KIF17: variants seen among roughly 807,000 people sequenced by gnomAD.
KIF17 encodes kinesin family member 17.
In KIF17, 80 loss-of-function variants were observed where a neutral mutation model predicts 96.8. The observed-to-expected ratio is 0.83, with a 90% CI of 0.69 to 1.00. The LOEUF (loss-of-function observed/expected upper bound fraction) is 1.00, where lower values mean the gene tolerates loss of function less well. Ranked by LOEUF, KIF17 falls within the 50% of genes least tolerant of loss-of-function variation. The pLI is 0.00. For synonymous variants in KIF17, 567 were observed against 587.5 expected (o/e 0.97, Z 0.51); for missense variants, 1,280 against 1,372.9 (o/e 0.93, Z 1.07).
Position 20,672,680 on chromosome 1 carries a change from C to A in KIF17, c.2464-484G>T, listed in dbSNP as rs1169490473. ...CTTGACAATCCTCACTCTCCCACTG[C>A]CACAGCCCTGTGTGACGGTGTGACA... On this transcript the variant is annotated intron_variant, in intron 11 of 14. Coordinates refer to ENST00000400463, the MANE Select transcript of KIF17 (RefSeq NM_001122819.3). The surrounding 1 kb of genome is among the most constrained non-coding windows in gnomAD (Gnocchi z 4.3). Among the ~76,000 whole-genome samples the A allele has an allele frequency of 6.6e-6, 1 of 152,214 alleles. No homozygotes were observed. Among genetic ancestry groups the A allele is most frequent in the Non-Finnish European group, 1.5e-5 (1 of 68,044 alleles).
At position 20,700,094 on chromosome 1, in the gene KIF17, G is replaced by A. The variant is rs532482043; in HGVS notation, c.1124-1606C>T. Reference sequence around the variant, plus strand: ...TTTGTTTTGTTTTGTTTTTTGAGACGGGGTCTTTGCTCTGTCGCCTAGGCT... The same window carrying A: ...TTTGTTTTGTTTTGTTTTTTGAGACAGGGTCTTTGCTCTGTCGCCTAGGCT... On this transcript the variant is annotated intron_variant, in intron 5 of 14. Coordinates refer to ENST00000400463, the MANE Select transcript of KIF17 (RefSeq NM_001122819.3). The surrounding 1 kb of genome is among the most constrained non-coding windows in gnomAD (Gnocchi z 4.6). Among the ~76,000 whole-genome samples the A allele has an allele frequency of 6.6e-5, 10 of 152,168 alleles. No homozygotes were observed. The highest frequency in any genetic ancestry group is 1.3e-4 in the Non-Finnish European group (9 of 67,992).
rs181492448 is a variant in KIF17, at chr1:20,709,216, C to A, written c.670+423G>T. ...GACCAACCTGGGCAACACAGCAAGACCCCGTCTCTACAAAAAATTAGCCAG... is the reference window on the plus strand; with the variant it reads ...GACCAACCTGGGCAACACAGCAAGAACCCGTCTCTACAAAAAATTAGCCAG... On this transcript the variant is annotated intron_variant, in intron 4 of 14. Coordinates refer to ENST00000400463, the MANE Select transcript of KIF17 (RefSeq NM_001122819.3). The surrounding 1 kb of genome is among the most constrained non-coding windows in gnomAD (Gnocchi z 4.7). 6.6e-6 allele frequency among the ~76,000 whole-genome samples: 1 copy of A among 152,044 alleles called. No individual in the cohort carries two copies. The highest frequency in any genetic ancestry group is 1.5e-5 in the Non-Finnish European group (1 of 68,016).
intron 11 of KIF17, among the ~76,000 whole-genome samples, chr1:20,680,231 A>G (rs1369280710): frequency 1.3e-5 from 2 of 152,254 alleles, no homozygotes; most frequent in African/African-American, 4.8e-5. Flanking sequence ...TACCACCTCA[A>G]ACTTCATCTC....
intron 7 of KIF17, among the ~76,000 whole-genome samples, chr1:20,689,804 C>T (rs1050071726): frequency 2.5e-4 from 38 of 152,178 alleles, no homozygotes; most frequent in Middle Eastern, 3.4e-3. Context: ...CACAGCAATT[C>T]GGGGCAGGGA....
Position 20,678,406 on chromosome 1 carries a change from CA to C in KIF17, c.2463+4246del, listed in dbSNP as rs1031680240. ...ACACATACGTACATATTTCCTTATA[CA>C]AAAAAAATTTAAAAATAAAATAAAA... On this transcript the variant is annotated intron_variant, in intron 11 of 14. Transcript: ENST00000400463. 5.3e-5 allele frequency among the ~76,000 whole-genome samples: 8 copies of C among 151,768 alleles called. 1 individual carries two copies. Among genetic ancestry groups the C allele is most frequent in the African/African-American group, 9.7e-5 (4 of 41,388 alleles).
chr1:20,717,501 T>C lies in KIF17; in HGVS notation c.206A>G (p.Asn69Ser), dbSNP rs757978308. The change falls in exon 1 of 15, where the codon AAC becomes AGC. Residue 69 changes from asparagine (N) to serine (S), a missense_variant. By Grantham distance (46) the Asn-to-Ser change is conservative (BLOSUM62 1). Coordinates refer to ENST00000400463, the MANE Select transcript of KIF17 (RefSeq NM_001122819.3). ...HVDHVTEQIYNEIAYPLVEGV... is the reference protein window; with the variant it reads ...HVDHVTEQIYSEIAYPLVEGV... ...CTCCACCAGCGGATAGGCGATCTCG[T>C]TGTAGATCTGCTCGGTGACGTGGTC... The C allele has an allele frequency of 1.9e-6, 3 of 1,610,946 alleles. No individual in the cohort carries two copies. Among genetic ancestry groups the C allele is most frequent in the East Asian group, 2.2e-5 (1 of 44,762 alleles).
At position 20,709,807 on chromosome 1, in the gene KIF17, C is replaced by T; in HGVS notation, c.502G>A (p.Gly168Ser). 6.2e-7 allele frequency: 1 copy of T among 1,612,452 alleles called. No homozygotes were observed. ...ATGGACAGCCCCTTCACGTACACGC[C>T]CTTCTCTGGGTGCTCCTTCAGCTGA... is the stretch of plus-strand genomic sequence containing the variant. ...KLELKEHPEK[G>S]VYVKGLSMHT... The change falls in exon 4 of 15, where the codon GGC (glycine) becomes AGC (serine). Residue 168 changes from glycine to serine, a missense_variant. Coordinates refer to ENST00000400463, the MANE Select transcript of KIF17 (RefSeq NM_001122819.3). This position sits in a 1 kb window ranked among gnomAD's most constrained non-coding sequence, Gnocchi z 4.7.
In KIF17 at chr1:20,709,583, C is replaced by T; in HGVS notation, c.670+56G>A. 6.3e-7 allele frequency: 1 copy of T among 1,598,628 alleles called. No individual in the cohort carries two copies. The highest frequency in any genetic ancestry group is 1.3e-5 in the African/African-American group (1 of 74,720). On this transcript the variant is annotated intron_variant, in intron 4 of 14. Transcript: ENST00000400463. This position sits in a 1 kb window ranked among gnomAD's most constrained non-coding sequence, Gnocchi z 4.7. ...GGCCCCGAGAGGTGGCGTGCCTTGG[C>T]TAGTGGGAGTGGCTGGGTCATCTGT...
intron 13 of KIF17, 62 bp downstream of exon 13, chr1:20,670,359 C>T (rs893212415): frequency 1.6e-5 from 24 of 1,486,992 alleles, no homozygotes; most frequent in South Asian, 1.2e-4. Flanking sequence ...CACTGACCCA[C>T]AGCACTGGGG....
chr1:20,666,655 G>T (rs746943624), intron 13 of KIF17, among the ~76,000 whole-genome samples: 2 of 152,176 alleles, frequency 1.3e-5, no homozygotes, highest in African/African-American at 4.8e-5. Context: ...CAGGGGGGCC[G>T]GGTTGATACA....
At chr1:20,681,740 C>A (rs1171210386) in intron 11 of KIF17, among the ~76,000 whole-genome samples, 1 of 152,144 alleles carries the variant, frequency 6.6e-6, no homozygotes, top group Non-Finnish European at 1.5e-5. Context: ...CTAGAAGATG[C>A]TGACCTCACT....
intron 14 of KIF17, among the ~76,000 whole-genome samples, chr1:20,665,072 C>T (rs1313915124): frequency 6.6e-6 from 1 of 152,104 alleles, no homozygotes; most frequent in Non-Finnish European, 1.5e-5. Flanking sequence ...CTGCTTCCTA[C>T]AACCTTAGAG....
chr1:20,684,578 C>T (rs576446066), intron 10 of KIF17, among the ~76,000 whole-genome samples: 95 of 152,140 alleles, frequency 6.2e-4, no homozygotes, highest in Middle Eastern at 3.2e-3. Flanking sequence ...CCCTGGGACT[C>T]CTGAAACCTG....
At chr1:20,669,089 T>A (rs948436542) in intron 13 of KIF17, among the ~76,000 whole-genome samples, 2 of 152,128 alleles carry the variant, frequency 1.3e-5, no homozygotes, top group South Asian at 4.2e-4. Flanking sequence ...TTCATATCAT[T>A]GTTCATGGAG....
chr1:20,706,065 C>T (rs372001580), intron 4 of KIF17, among the ~76,000 whole-genome samples: 3 of 151,432 alleles, frequency 2.0e-5, no homozygotes, highest in Admixed American at 2.0e-4. Flanking sequence ...TACATCACCA[C>T]GCCTGGCTAA....
rs1570426137 is a variant in KIF17 at position 20,666,256 on chromosome 1, G to A, written c.2866C>T (p.Arg956Trp). ...TCTGTGCTGAGGATCTGGCTGGCCC[G>A]CTTAGATCGGAAGTAGTTGCTGGCA... ...NIASNYFRSKRASQILSTDAR... is the reference protein window; with the variant it reads ...NIASNYFRSKWASQILSTDAR... The change falls in exon 14 of 15, where the codon CGG becomes TGG. Residue 956 changes from arginine (R) to tryptophan (W), a missense_variant. Coordinates refer to ENST00000400463, the MANE Select transcript of KIF17 (RefSeq NM_001122819.3). 1.9e-6 allele frequency: 3 copies of A among 1,614,116 alleles called. No individual in the cohort carries two copies. The highest frequency in any genetic ancestry group is 1.6e-4 in the Middle Eastern group (1 of 6,062).
At chr1:20,695,684 G>A (rs187932335) in intron 6 of KIF17, among the ~76,000 whole-genome samples, 6 of 152,026 alleles carry the variant, frequency 3.9e-5, no homozygotes, top group South Asian at 2.1e-4. Flanking sequence ...AGATCTACCC[G>A]GAAGCTCCAC....
intron 11 of KIF17, among the ~76,000 whole-genome samples, chr1:20,678,306 C>G (rs2053772618): frequency 6.6e-6 from 1 of 152,164 alleles, no homozygotes; most frequent in African/African-American, 2.4e-5. Context: ...TCCCACAACA[C>G]ATGAGAATTA....
chr1:20,713,287 C>T (rs2054510401), intron 3 of KIF17, among the ~76,000 whole-genome samples, 167 bp downstream of exon 3: 1 of 150,146 alleles, frequency 6.7e-6, no homozygotes, highest in Non-Finnish European at 1.5e-5. Context: ...AGAGCCACTG[C>T]ACCTGCCTAA....
Sources: allele counts gnomAD v4.1 joint callset (sites outside exome capture counted in the v4.1 genomes callset), GRCh38; gene constraint gnomAD v4.1.1; non-coding constraint Gnocchi (gnomAD v3.1); transcripts MANE v1.5; gene names NCBI Gene and HGNC (gene_info 2026-07-23, HGNC 2026-07-21).